ZNF207: variants seen among roughly 807,000 people sequenced by gnomAD.
ZNF207 encodes zinc finger protein 207.
In ZNF207, 24 loss-of-function variants were observed where a neutral mutation model predicts 60.2. The observed-to-expected ratio is 0.40, with a 90% CI of 0.29 to 0.56. The LOEUF (loss-of-function observed/expected upper bound fraction) is 0.56, where lower values mean the gene tolerates loss of function less well. ZNF207 is among the 20% of genes least tolerant of loss of function. ZNF207 has a pLI of 0.49. For missense variants in ZNF207, 452 were observed against 636.6 expected (o/e 0.71, Z 3.12); for synonymous variants, 236 against 194.7 (o/e 1.21, Z -1.77).
chr17:32,350,576 C>G (rs1204089410), intron 1 of ZNF207, among the ~76,000 whole-genome samples: 5 of 152,068 alleles, frequency 3.3e-5, no homozygotes, highest in Non-Finnish European at 5.9e-5. Context: ...GAATTTTGGA[C>G]TCCGGGAGGC....
intron 8 of ZNF207, 85 bp from the exon 9 acceptor site, chr17:32,366,580 C>G (rs1261592100): frequency 9.5e-7 from 1 of 1,058,014 alleles, no homozygotes; most frequent in Non-Finnish European, 1.3e-6. Context: ...TACAAATATG[C>G]AATCTACTAA....
At chr17:32,361,393 G>C in intron 5 of ZNF207, 75 bp from the exon 6 acceptor site, 1 of 1,250,162 alleles carries the variant, frequency 8.0e-7, no homozygotes, top group Non-Finnish European at 1.1e-6. Flanking sequence ...TTGGATGTGA[G>C]AGGTATACAA....
chr17:32,366,778 TA>T, intron 9 of ZNF207, 21 bp downstream of exon 9: 2 of 1,574,960 alleles, frequency 1.3e-6, no homozygotes, highest in Non-Finnish European at 1.7e-6. Flanking sequence ...AGTTGCAGTT[TA>T]AAATTGTTAA....
In ZNF207 at chr17:32,366,763, C is replaced by T. The variant is rs1296916180; in HGVS notation, c.921+6C>T. 41 of 1,589,980 alleles carry T rather than the reference C, an allele frequency of 2.6e-5. No individual in the cohort carries two copies. The highest frequency in any genetic ancestry group is 3.2e-5 in the Non-Finnish European group (38 of 1,170,852). ...TGTTTCCTAGCACAGCACAAGTACG[C>T]AGGAAGTTGCAGTTTAAAATTGTTA... On this transcript the variant is annotated splice_donor_region_variant and intron_variant, in intron 9 of 11. Transcript: ENST00000394670.
In ZNF207 at chr17:32,360,765, G is replaced by C; in HGVS notation, c.475G>C (p.Gly159Arg). 6.2e-7 allele frequency: 1 copy of C among 1,613,944 alleles called. No individual in the cohort carries two copies. Among genetic ancestry groups the C allele is most frequent in the Non-Finnish European group, 8.5e-7 (1 of 1,179,914 alleles). The change falls in exon 4 of 12, where the codon GGC becomes CGC. Residue 159 changes from glycine (G) to arginine (R), a missense_variant and splice_region_variant. This residue lies in a region of ZNF207 where 390 missense variants were observed against 461.4 expected (regional missense o/e 0.85). Transcript: ENST00000394670. ...PVPGAPGMPPGIPPLMPGVPP... is the reference protein window; with the variant it reads ...PVPGAPGMPPRIPPLMPGVPP... ...ACCAGGAGCACCAGGAATGCCTCCA[G>C]GTAGCACATAGGATTGCTTAAAATC... is the stretch of plus-strand genomic sequence containing the variant.
rs771342350 is a variant in ZNF207 at position 32,371,074 on chromosome 17, T to C, written c.*1315T>C. 1 of 152,232 alleles carries C rather than the reference T, an allele frequency of 6.6e-6. No homozygotes were observed. Among genetic ancestry groups the C allele is most frequent in the Admixed American group, 6.5e-5 (1 of 15,282 alleles). The allele number at this position is 152,232 out of a possible 1,614,324, so 9.4% of individuals were successfully genotyped here. On this transcript the variant is annotated 3_prime_UTR_variant, in exon 12 of 12. Coordinates refer to ENST00000394670, the MANE Select transcript of ZNF207 (RefSeq NM_001098507.2). The stretch of plus-strand genomic sequence containing the variant: ...CTGTAGAGATGACTGCTATTCAATA[T>C]TTTGTGTTGCAACCTCTTAAAATAA...
chr17:32,367,271 A>ATG (rs1392199506), intron 9 of ZNF207, among the ~76,000 whole-genome samples: 6,485 of 87,614 alleles, frequency 0.074, 471 homozygotes, highest in Non-Finnish European at 0.14. Context: ...ATATATATAT[A>ATG]TATATATATA....
chr17:32,359,792 C>T (rs538072562), intron 3 of ZNF207, among the ~76,000 whole-genome samples: 1 of 151,914 alleles, frequency 6.6e-6, no homozygotes, highest in African/African-American at 2.4e-5. Flanking sequence ...TGCCTATAGT[C>T]TAAGCTGAGG....
rs187710794 is a variant in ZNF207, at chr17:32,357,203, G to A, written c.169-1300G>A. 5.2e-3 allele frequency among the ~76,000 whole-genome samples: 772 copies of A among 149,148 alleles called. 3 individuals carry two copies. The highest frequency in any genetic ancestry group is 7.5e-3 in the African/African-American group (301 of 39,918). ...TCTTAAAAAAAAAAAAAAGTAAAAT[G>A]CCTCACGTAACTCATTAGTTACAAG... is the stretch of plus-strand genomic sequence containing the variant. On this transcript the variant is annotated intron_variant, in intron 2 of 11. Coordinates refer to ENST00000394670, the MANE Select transcript of ZNF207 (RefSeq NM_001098507.2).
chr17:32,351,395 C>T (rs1188866754), intron 1 of ZNF207: 3 of 1,185,628 alleles, frequency 2.5e-6, no homozygotes, highest in Non-Finnish European at 3.2e-6. Flanking sequence ...CTATCGTCTT[C>T]ATATCTAGTG....
At chr17:32,362,072 G>C (rs1439992387) in intron 6 of ZNF207, among the ~76,000 whole-genome samples, 1 of 151,184 alleles carries the variant, frequency 6.6e-6, no homozygotes, top group African/African-American at 2.4e-5. Flanking sequence ...AGGCCATCTG[G>C]TTTTACTTTT....
At chr17:32,350,483 A>G in intron 1 of ZNF207, 157 bp downstream of exon 1, 1 of 915,018 alleles carries the variant, frequency 1.1e-6, no homozygotes, top group South Asian at 1.5e-5. Flanking sequence ...GAAGGCTTCT[A>G]GGAAAATGGG....
intron 7 of ZNF207, among the ~76,000 whole-genome samples, chr17:32,364,483 C>T (rs1323865885): frequency 6.6e-6 from 1 of 151,868 alleles, no homozygotes; most frequent in Non-Finnish European, 1.5e-5. Context: ...CCTCAGCCTC[C>T]TGAGTAGCTG....
Position 32,373,533 on chromosome 17 carries a change from G to T in ZNF207, c.*3774G>T. On this transcript the variant is annotated 3_prime_UTR_variant, in exon 12 of 12. Transcript: ENST00000394670. ...GGATATTTATGTCCCCAAACTTGCA[G>T]CAAGTTTGGTGAAGGCCCCTAAATT... The T allele has an allele frequency of 2.2e-6, 1 of 461,934 alleles. No homozygotes were observed. The highest frequency in any genetic ancestry group is 3.9e-6 in the Non-Finnish European group (1 of 257,276). 28.6% of individuals were successfully genotyped at this position (461,934 alleles called of 1,614,324 possible).
intron 2 of ZNF207, among the ~76,000 whole-genome samples, chr17:32,353,512 T>G (rs1954822274): frequency 6.6e-6 from 1 of 152,104 alleles, no homozygotes; most frequent in South Asian, 2.1e-4. Flanking sequence ...CCAGATGTGG[T>G]GGCTCACGCC....
intron 2 of ZNF207, among the ~76,000 whole-genome samples, chr17:32,352,482 A>G (rs1334120491): frequency 6.6e-6 from 1 of 152,208 alleles, no homozygotes; most frequent in African/African-American, 2.4e-5. Flanking sequence ...TTAGATTGGT[A>G]ACATATCGAA....
rs991086124 is a variant in ZNF207 at position 32,373,672 on chromosome 17, T to C, written c.*3913T>C. The C allele has an allele frequency of 1.7e-5, 6 of 362,668 alleles. 1 individual carries two copies. In the Admixed American group the frequency reaches 2.3e-4, roughly 14 times the overall value. The allele number at this position is 362,668 out of a possible 1,614,324, so 22.5% of individuals were successfully genotyped here. The stretch of plus-strand genomic sequence containing the variant: ...ATTTCATATGCAATTTTATGTAATT[T>C]GCTGTGTGTTACATAATTAACAGCT... On this transcript the variant is annotated 3_prime_UTR_variant, in exon 12 of 12. Transcript: ENST00000394670.
chr17:32,357,333 A>ATTT (rs1313202545), intron 2 of ZNF207, among the ~76,000 whole-genome samples: 6 of 89,154 alleles, frequency 6.7e-5, no homozygotes, highest in African/African-American at 2.8e-4. Context: ...TATTATTATT[A>ATTT]TTATTATTAT....
chr17:32,353,128 G>C (rs1405226883), intron 2 of ZNF207, among the ~76,000 whole-genome samples: 1 of 152,102 alleles, frequency 6.6e-6, no homozygotes, highest in African/African-American at 2.4e-5. Context: ...GAGCTGAGAT[G>C]GTGCCACTGC....
Sources: allele counts gnomAD v4.1 joint callset (sites outside exome capture counted in the v4.1 genomes callset), GRCh38; gene constraint gnomAD v4.1.1; regional missense constraint gnomAD v4.1.1; transcripts MANE v1.5; gene names NCBI Gene and HGNC (gene_info 2026-07-23, HGNC 2026-07-21).